The following CCDC192 variants were observed in gnomAD, a reference collection of about 807,000 sequenced individuals.
The protein encoded by CCDC192 is coiled-coil domain containing 192, also known as coiled-coil domain-containing protein 192.
intron 3 of CCDC192, among the ~76,000 whole-genome samples, chr5:127,777,771 G>C (rs1277327361): frequency 1.3e-5 from 2 of 152,164 alleles, no homozygotes; most frequent in African/African-American, 4.8e-5. Flanking sequence ...TTATAAATAA[G>C]AGTTCTCTTG....
chr5:127,865,643 T>G (rs1751577158), intron 5 of CCDC192, among the ~76,000 whole-genome samples: 1 of 149,528 alleles, frequency 6.7e-6, no homozygotes, highest in Non-Finnish European at 1.5e-5. Flanking sequence ...AAGACTACAG[T>G]GTCATCCATA....
At chr5:127,731,529 C>G (rs1440228533) in intron 2 of CCDC192, among the ~76,000 whole-genome samples, 1 of 151,932 alleles carries the variant, frequency 6.6e-6, no homozygotes, top group Admixed American at 6.6e-5. Flanking sequence ...AGAATTCATA[C>G]AGAACCAAAA....
Position 127,854,792 on chromosome 5 carries a change from A to G in CCDC192, c.412-20746A>G, listed in dbSNP as rs78431021. Among the ~76,000 whole-genome samples, 595 of 152,344 alleles carry G rather than the reference A, an allele frequency of 3.9e-3. 2 individuals are homozygous for G. The highest frequency in any genetic ancestry group is 0.013 in the African/African-American group (560 of 41,580). On this transcript the variant is annotated intron_variant, in intron 5 of 6. Coordinates refer to ENST00000514853, the MANE Select transcript of CCDC192 (RefSeq NM_001317938.2). ...TAATTTTTTTGGTTTCCCAGTGCAT[A>G]TAAAAGTTACTTTTACACTATTCTA...
chr5:127,726,799 G>T (rs1752349988), intron 2 of CCDC192, among the ~76,000 whole-genome samples: 1 of 152,212 alleles, frequency 6.6e-6, no homozygotes, highest in African/African-American at 2.4e-5. Flanking sequence ...AAGGGGATCT[G>T]CAGACTTAGT....
chr5:127,903,999 G>A (rs553016067), intron 6 of CCDC192, among the ~76,000 whole-genome samples: 14 of 152,278 alleles, frequency 9.2e-5, no homozygotes, highest in East Asian at 1.9e-4. Context: ...GATGTGGTTA[G>A]GTTAAGGATC....
At chr5:127,711,692 T>C (rs999535395) in intron 2 of CCDC192, among the ~76,000 whole-genome samples, 1 of 152,218 alleles carries the variant, frequency 6.6e-6, no homozygotes, top group Non-Finnish European at 1.5e-5. Context: ...ATATCATTTG[T>C]GTTTTAAATA....
At chr5:127,808,000 A>G (rs1321989005) in intron 5 of CCDC192, among the ~76,000 whole-genome samples, 1 of 152,038 alleles carries the variant, frequency 6.6e-6, no homozygotes, top group Non-Finnish European at 1.5e-5. Flanking sequence ...TGTGAAGCTT[A>G]TTACTGTGTT....
intron 6 of CCDC192, among the ~76,000 whole-genome samples, chr5:127,917,664 A>T (rs1439503642): frequency 6.6e-6 from 1 of 152,234 alleles, no homozygotes; most frequent in Non-Finnish European, 1.5e-5. Context: ...CTATTTATAG[A>T]TTAAGTTTCC....
intron 6 of CCDC192, among the ~76,000 whole-genome samples, chr5:127,902,122 A>C (rs1443813498): frequency 6.6e-6 from 1 of 152,130 alleles, no homozygotes; most frequent in African/African-American, 2.4e-5. Context: ...AAATACAAAA[A>C]TTAGCCAGGC....
chr5:127,827,107 C>T (rs544197895), intron 5 of CCDC192, among the ~76,000 whole-genome samples: 2 of 152,232 alleles, frequency 1.3e-5, no homozygotes, highest in African/African-American at 4.8e-5. Flanking sequence ...CAGAGGCCTG[C>T]GTTCCCAAAT....
chr5:127,906,722 G>T (rs1385652393), intron 6 of CCDC192, among the ~76,000 whole-genome samples: 1 of 152,120 alleles, frequency 6.6e-6, no homozygotes, highest in Non-Finnish European at 1.5e-5. Context: ...GGAGTTAGAG[G>T]CTGTAGTGAG....
At chr5:127,766,608 TAAAAAAAA>T (rs548715145) in intron 3 of CCDC192, among the ~76,000 whole-genome samples, 1,043 of 98,978 alleles carry the variant, frequency 0.011, 11 homozygotes, top group African/African-American at 0.038. Context: ...ACGTCCTGTG[TAAAAAAAA>T]AAAAAAAAAA....
In CCDC192 at chr5:127,719,830, G is replaced by GAGA. The variant is rs138708896; in HGVS notation, c.114+12070_114+12071insAGA. Reference sequence around the variant, plus strand: ...GTCTCGCATGGCCAGATCAGAGGAAGGGGCGGGGGAGGTGACACATGCTTT... The same window carrying GAGA: ...GTCTCGCATGGCCAGATCAGAGGAAGAGAGGGCGGGGGAGGTGACACATGCTTT... On this transcript the variant is annotated intron_variant, in intron 2 of 6. Transcript: ENST00000514853. Among the ~76,000 whole-genome samples, 6 of 94,338 alleles carry GAGA rather than the reference G, an allele frequency of 6.4e-5. 1 individual carries two copies. Among genetic ancestry groups the GAGA allele is most frequent in the South Asian group, 5.4e-4 (2 of 3,718 alleles). 61.9% of individuals were successfully genotyped at this position (94,338 alleles called of 152,430 possible).
chr5:127,724,402 G>GT (rs1389898223), intron 2 of CCDC192, among the ~76,000 whole-genome samples: 1 of 152,086 alleles, frequency 6.6e-6, no homozygotes, highest in African/African-American at 2.4e-5. Flanking sequence ...GCAGCATTGA[G>GT]TTTTTGCCTC....
chr5:127,726,909 AG>A (rs1299066435), intron 2 of CCDC192, among the ~76,000 whole-genome samples: 7 of 152,316 alleles, frequency 4.6e-5, no homozygotes, highest in Middle Eastern at 3.4e-3. Context: ...AGAGTGCTTC[AG>A]TAAGCAAGTC....
At chr5:127,818,795 G>A (rs925406240) in intron 5 of CCDC192, among the ~76,000 whole-genome samples, 16 of 152,284 alleles carry the variant, frequency 1.1e-4, no homozygotes, top group Middle Eastern at 3.4e-3. Context: ...AAAGAGCCTG[G>A]ATGTTAGCTA....
At chr5:127,872,322 C>T (rs541206393) in intron 5 of CCDC192, among the ~76,000 whole-genome samples, 49 of 152,216 alleles carry the variant, frequency 3.2e-4, no homozygotes, top group South Asian at 1.4e-3. Flanking sequence ...TATTTTGGTT[C>T]ACATTATCCT....
intron 2 of CCDC192, among the ~76,000 whole-genome samples, chr5:127,734,753 T>C (rs1269499167): frequency 1.1e-4 from 17 of 150,752 alleles, no homozygotes; most frequent in Non-Finnish European, 1.8e-4. Context: ...TCATGTCCTT[T>C]GCCCACTTTT....
At chr5:127,848,795 G>T (rs933578263) in intron 5 of CCDC192, among the ~76,000 whole-genome samples, 1 of 152,210 alleles carries the variant, frequency 6.6e-6, no homozygotes. Context: ...CACTTAGGTC[G>T]TTCTGGGGAG....
Sources: gnomAD v4.1 joint callset for allele counts (sites outside exome capture counted in the v4.1 genomes callset) on GRCh38, gnomAD v4.1.1 for gene constraint, MANE v1.5 for transcripts, NCBI Gene and HGNC (gene_info 2026-07-23, HGNC 2026-07-21) for gene names.